KHDRBS2: variants seen among roughly 807,000 people sequenced by gnomAD.
KHDRBS2 encodes the protein KH domain-containing, RNA-binding, signal transduction-associated protein 2.
In KHDRBS2, 26 loss-of-function variants were observed where a neutral mutation model predicts 44.3. The observed-to-expected ratio is 0.59, with a 90% confidence interval of 0.43 to 0.81. The LOEUF (loss-of-function observed/expected upper bound fraction) is 0.81. KHDRBS2 is among the 40% of genes least tolerant of loss of function. The pLI, the probability that KHDRBS2 is intolerant of heterozygous loss-of-function variation, is 0.00. For synonymous variants in KHDRBS2, 194 were observed against 151.1 expected (o/e 1.28, Z -2.08); for missense variants, 476 against 433.1 (o/e 1.10, Z -0.88).
At chr6:61,971,524 C>T (rs1304054249) in intron 4 of KHDRBS2, among the ~76,000 whole-genome samples, 4 of 152,056 alleles carry the variant, frequency 2.6e-5, no homozygotes, top group Admixed American at 2.6e-4. Flanking sequence ...TCAAAATATG[C>T]TATACTCTGG....
chr6:62,090,151 A>G (rs2127362790), intron 2 of KHDRBS2, among the ~76,000 whole-genome samples: 1 of 152,338 alleles, frequency 6.6e-6, no homozygotes, highest in African/African-American at 2.4e-5. Flanking sequence ...CAGAAACAAA[A>G]AAATTATTTC....
intron 3 of KHDRBS2, among the ~76,000 whole-genome samples, chr6:61,993,300 C>T (rs1472639985): frequency 6.6e-6 from 1 of 152,012 alleles, no homozygotes; most frequent in African/African-American, 2.4e-5. Flanking sequence ...CACCGAAAAC[C>T]TTTCATCACC....
chr6:61,652,164 C>G, the KHDRBS2 span: 1 of 151,988 alleles, frequency 6.6e-6, no homozygotes, highest in Non-Finnish European at 1.5e-5. Context: ...AACCTAAGAT[C>G]TGATATAATT....
intron 3 of KHDRBS2, among the ~76,000 whole-genome samples, chr6:62,030,919 C>T (rs138774079): frequency 5.3e-5 from 8 of 151,882 alleles, no homozygotes; most frequent in East Asian, 1.9e-4. Context: ...GTAAATAAAT[C>T]GTGGTATAGG....
intron 2 of KHDRBS2, among the ~76,000 whole-genome samples, chr6:62,141,276 T>C (rs977554730): frequency 1.2e-4 from 18 of 152,062 alleles, no homozygotes; most frequent in African/African-American, 4.1e-4. Flanking sequence ...CTTCGTACAA[T>C]GGGGAGGATT....
rs536208254 is a variant in KHDRBS2, at chr6:62,141,265, T to C, written c.219+35920A>G. ...TTAGACAGCAGCTAGATGTATGCTT[T>C]CTTCGTACAATGGGGAGGATTTAAA... On this transcript the variant is annotated intron_variant, in intron 2 of 8. Transcript: ENST00000281156. Among the ~76,000 whole-genome samples the C allele has an allele frequency of 4.6e-5, 7 of 152,294 alleles. No individual in the cohort carries two copies. In the South Asian group the frequency reaches 1.4e-3, roughly 32 times the overall value.
intron 1 of KHDRBS2, among the ~76,000 whole-genome samples, chr6:62,257,131 A>C (rs576862138): frequency 2.6e-5 from 4 of 152,224 alleles, no homozygotes; most frequent in African/African-American, 9.6e-5. Context: ...ATTAAGGTGT[A>C]AGTATTAATA....
At chr6:61,879,673 C>T (rs1799936694) in intron 6 of KHDRBS2, among the ~76,000 whole-genome samples, 2 of 151,882 alleles carry the variant, frequency 1.3e-5, no homozygotes, top group South Asian at 4.2e-4. Flanking sequence ...AGCTCAGTAT[C>T]CTTTAACATA....
At chr6:62,113,156 A>G (rs1805413530) in intron 2 of KHDRBS2, among the ~76,000 whole-genome samples, 1 of 152,138 alleles carries the variant, frequency 6.6e-6, no homozygotes, top group South Asian at 2.1e-4. Context: ...CACATATTAA[A>G]TACTGAAGCC....
At chr6:62,216,389 G>C (rs1249925081) in intron 1 of KHDRBS2, among the ~76,000 whole-genome samples, 1 of 151,780 alleles carries the variant, frequency 6.6e-6, no homozygotes, top group Non-Finnish European at 1.5e-5. Context: ...AAAGCTCTCA[G>C]CAGAGCATAT....
At chr6:61,798,894 G>A (rs1464924169) in intron 6 of KHDRBS2, among the ~76,000 whole-genome samples, 1 of 151,746 alleles carries the variant, frequency 6.6e-6, no homozygotes, top group Non-Finnish European at 1.5e-5. Flanking sequence ...ATTTATAATG[G>A]TAAGTTGTTA....
At chr6:61,574,159 G>C in the KHDRBS2 span, among the ~76,000 whole-genome samples, 1 of 152,082 alleles carries the variant, frequency 6.6e-6, no homozygotes, top group African/African-American at 2.4e-5. Flanking sequence ...GTTAAAAAAA[G>C]TAAAAGGAAC....
At chr6:61,745,143 T>G (rs780846998) in intron 6 of KHDRBS2, among the ~76,000 whole-genome samples, 4 of 152,116 alleles carry the variant, frequency 2.6e-5, no homozygotes, top group African/African-American at 4.8e-5. Context: ...GATTAAAAAA[T>G]AATACAACTT....
intron 7 of KHDRBS2, among the ~76,000 whole-genome samples, chr6:61,701,630 A>G (rs943077014): frequency 2.0e-5 from 3 of 152,026 alleles, no homozygotes; most frequent in Non-Finnish European, 2.9e-5. Flanking sequence ...CTTCCAGGGT[A>G]TCTGGCTTAA....
chr6:61,802,003 A>G (rs1457931182), intron 6 of KHDRBS2, among the ~76,000 whole-genome samples: 1 of 152,182 alleles, frequency 6.6e-6, no homozygotes, highest in Non-Finnish European at 1.5e-5. Flanking sequence ...CATGGGAAGG[A>G]TCAATGCATT....
chr6:62,049,207 T>C (rs1788426495), intron 2 of KHDRBS2, among the ~76,000 whole-genome samples: 2 of 151,892 alleles, frequency 1.3e-5, no homozygotes, highest in African/African-American at 4.8e-5. Context: ...GGTCAATTTA[T>C]TGTCAGCAAA....
At chr6:61,832,253 G>T (rs1191194081) in intron 6 of KHDRBS2, among the ~76,000 whole-genome samples, 2 of 152,026 alleles carry the variant, frequency 1.3e-5, no homozygotes, top group Admixed American at 1.3e-4. Flanking sequence ...AACAAAAAAA[G>T]GAAAGTATTG....
intron 2 of KHDRBS2, among the ~76,000 whole-genome samples, chr6:62,065,334 G>A (rs1445017400): frequency 6.6e-6 from 1 of 151,914 alleles, no homozygotes; most frequent in Non-Finnish European, 1.5e-5. Flanking sequence ...ACATGCACAT[G>A]TATGTTTATT....
At chr6:62,277,006 G>C (rs190787006) in intron 1 of KHDRBS2, among the ~76,000 whole-genome samples, 337 of 152,196 alleles carry the variant, frequency 2.2e-3, no homozygotes, top group African/African-American at 7.8e-3. Context: ...GATTACTTGT[G>C]GTAATGCATC....
Sources: gnomAD v4.1 joint callset for allele counts (sites outside exome capture counted in the v4.1 genomes callset) on GRCh38, gnomAD v4.1.1 for gene constraint, MANE v1.5 for transcripts, NCBI Gene and HGNC (gene_info 2026-07-23, HGNC 2026-07-21) for gene names.